The following LRRC37A2 variants were observed in gnomAD, a reference collection of about 807,000 sequenced individuals.
LRRC37A2 encodes leucine rich repeat containing 37 member A2.
A neutral mutation model predicts 68.8 loss-of-function variants in LRRC37A2; 9 were observed. The ratio of observed to expected loss-of-function variants is 0.13; its 90% CI spans 0.08 to 0.23. LRRC37A2 has a LOEUF of 0.23. Among genes scored for constraint, LRRC37A2 ranks in the 10% least tolerant of loss-of-function variants. The probability of loss-of-function intolerance (pLI) is 1.00; values close to 1 mark genes in which losing one functional copy is unlikely to be tolerated. For synonymous variants in LRRC37A2, 63 were observed against 367.6 expected, an observed-to-expected ratio of 0.17 and a Z score of 9.48; for missense variants, 168 against 950.4, an observed-to-expected ratio of 0.18 and a Z score of 10.82.
the LRRC37A2 span, among the ~76,000 whole-genome samples, chr17:46,965,583 C>T: frequency 4.0e-5 from 6 of 151,838 alleles, no homozygotes; most frequent in African/African-American, 1.5e-4. Flanking sequence ...GTTTCTGCTC[C>T]ACCCAGGGCA....
chr17:46,500,491 G>T, the LRRC37A2 span, among the ~76,000 whole-genome samples: 8 of 149,836 alleles, frequency 5.3e-5, no homozygotes, highest in Non-Finnish European at 8.8e-5. Context: ...TTTACCAGAT[G>T]ATTTTTGTGG....
chr17:47,020,893 T>C, the LRRC37A2 span, among the ~76,000 whole-genome samples: 1 of 151,746 alleles, frequency 6.6e-6, no homozygotes, highest in African/African-American at 2.4e-5. Flanking sequence ...GTGCTAGAAT[T>C]TGCCAGAATC....
the LRRC37A2 span, among the ~76,000 whole-genome samples, chr17:47,022,345 T>C: frequency 6.0e-5 from 9 of 148,812 alleles, no homozygotes; most frequent in East Asian, 9.9e-4. Context: ...TAATTTTGTA[T>C]GTTTTGTAGA....
chr17:46,467,862 C>T, the LRRC37A2 span, among the ~76,000 whole-genome samples: 1 of 101,790 alleles, frequency 9.8e-6, no homozygotes, highest in South Asian at 4.4e-4. Flanking sequence ...ACAGCGTCAG[C>T]TCTGTTTCTA....
the LRRC37A2 span, among the ~76,000 whole-genome samples, chr17:46,826,800 T>G: frequency 9.0e-6 from 1 of 110,554 alleles, no homozygotes; most frequent in East Asian, 3.4e-4. Flanking sequence ...TTTTTTTTTT[T>G]GAGATGAAGT....
chr17:47,027,912 T>C, the LRRC37A2 span, among the ~76,000 whole-genome samples: 1 of 152,208 alleles, frequency 6.6e-6, no homozygotes, highest in Non-Finnish European at 1.5e-5. Context: ...AGTGTGCTCC[T>C]GGCATCTGGT....
chr17:46,936,396 G>C, the LRRC37A2 span: 2 of 985,388 alleles, frequency 2.0e-6, no homozygotes, highest in Non-Finnish European at 2.4e-6. Context: ...CACACCTCTT[G>C]CCACCCACAC....
chr17:46,888,328 G>A, the LRRC37A2 span, among the ~76,000 whole-genome samples: 1 of 152,146 alleles, frequency 6.6e-6, no homozygotes, highest in East Asian at 1.9e-4. Context: ...CAGGGTCACT[G>A]GGAGGATTAA....
the LRRC37A2 span, among the ~76,000 whole-genome samples, chr17:46,782,458 T>C: frequency 6.6e-6 from 1 of 152,188 alleles, no homozygotes; most frequent in Non-Finnish European, 1.5e-5. Flanking sequence ...CCCAACTTGT[T>C]CCTGGGCCCA....
chr17:46,499,043 G>T, the LRRC37A2 span, among the ~76,000 whole-genome samples: 1 of 149,302 alleles, frequency 6.7e-6, no homozygotes, highest in African/African-American at 2.6e-5. Context: ...GGCCAGGCAT[G>T]GTGGCTCACG....
the LRRC37A2 span, chr17:46,935,965 T>C: frequency 1.0e-6 from 1 of 985,836 alleles, no homozygotes; most frequent in Non-Finnish European, 1.2e-6. Flanking sequence ...CACTCGGAAG[T>C]GTGAGCTTTA....
chr17:46,864,528 C>G, the LRRC37A2 span, among the ~76,000 whole-genome samples: 1 of 152,164 alleles, frequency 6.6e-6, no homozygotes, highest in Non-Finnish European at 1.5e-5. Context: ...GGGAAAGTAG[C>G]CTTTAAACAG....
chr17:46,942,057 A>T, the LRRC37A2 span: 2 of 562,168 alleles, frequency 3.6e-6, no homozygotes, highest in Non-Finnish European at 4.5e-6. Flanking sequence ...ACTTTGAGGA[A>T]ATAACTGAAA....
chr17:46,869,824 C>T, the LRRC37A2 span, among the ~76,000 whole-genome samples: 2 of 151,916 alleles, frequency 1.3e-5, no homozygotes, highest in African/African-American at 4.8e-5. Context: ...CATGGTGAAA[C>T]CCCGTCTCTA....
At chr17:46,438,407 AAAGATCAT>A in the LRRC37A2 span, among the ~76,000 whole-genome samples, 4 of 68,968 alleles carry the variant, frequency 5.8e-5, no homozygotes, top group Non-Finnish European at 1.6e-4. Flanking sequence ...ACTTGAAGAA[AAAGATCAT>A]TTGGAAGGAG....
chr17:47,001,644 G>A, the LRRC37A2 span, among the ~76,000 whole-genome samples: 1 of 150,416 alleles, frequency 6.6e-6, no homozygotes, highest in Non-Finnish European at 1.5e-5. Flanking sequence ...TGGTGATCCT[G>A]CTTCCTGCCC....
At chr17:46,912,993 G>A in the LRRC37A2 span, among the ~76,000 whole-genome samples, 2 of 152,182 alleles carry the variant, frequency 1.3e-5, no homozygotes, top group Non-Finnish European at 2.9e-5. Flanking sequence ...TCCTTGTCTA[G>A]AAAACTGGCA....
chr17:46,826,740 C>T, the LRRC37A2 span, among the ~76,000 whole-genome samples: 6 of 150,766 alleles, frequency 4.0e-5, no homozygotes, highest in Admixed American at 6.6e-5. Flanking sequence ...GTAAAATGAT[C>T]GGTGAGCATC....
chr17:46,922,599 G>A, the LRRC37A2 span, among the ~76,000 whole-genome samples: 2 of 152,106 alleles, frequency 1.3e-5, no homozygotes, highest in Non-Finnish European at 2.9e-5. Flanking sequence ...TTGAGGGCAG[G>A]AGGAACCCGG....
Sources: gnomAD v4.1 joint callset for allele counts (sites outside exome capture counted in the v4.1 genomes callset) on GRCh38, gnomAD v4.1.1 for gene constraint, MANE v1.5 for transcripts, NCBI Gene and HGNC (gene_info 2026-07-23, HGNC 2026-07-21) for gene names.